The following ZEB1 variants were observed in gnomAD, a reference collection of about 807,000 sequenced individuals.
ZEB1 encodes zinc finger E-box binding homeobox 1.
In ZEB1, 21 loss-of-function variants were observed where a neutral mutation model predicts 84.9. The observed-to-expected ratio is 0.25, with a 90% CI of 0.18 to 0.36. The LOEUF (loss-of-function observed/expected upper bound fraction) is 0.36. Ranked by LOEUF, ZEB1 falls within the 10% of genes least tolerant of loss-of-function variation. The pLI, the probability that ZEB1 is intolerant of heterozygous loss-of-function variation, is 1.00. For synonymous variants in ZEB1, 420 were observed against 471.1 expected (o/e 0.89, Z 1.41); for missense variants, 1,104 against 1,330.2 (o/e 0.83, Z 2.65).
chr10:31,444,522 T>C (rs942399392), intron 1 of ZEB1, among the ~76,000 whole-genome samples: 22 of 151,250 alleles, frequency 1.5e-4, no homozygotes, highest in Non-Finnish European at 2.7e-4. Flanking sequence ...GCCTAGGTTT[T>C]CTTCTAGGGT....
chr10:31,432,446 A>G (rs534711435), intron 1 of ZEB1, among the ~76,000 whole-genome samples: 257 of 152,212 alleles, frequency 1.7e-3, no homozygotes, highest in Middle Eastern at 0.014. Flanking sequence ...AAAATTAGCC[A>G]GGTGTGGTAC....
Position 31,526,958 on chromosome 10 carries a change from C to G in ZEB1, c.3072C>G (p.Asp1024Glu). 6.2e-7 allele frequency: 1 copy of G among 1,612,746 alleles called. No individual in the cohort carries two copies. The highest frequency in any genetic ancestry group is 8.5e-7 in the Non-Finnish European group (1 of 1,179,754). The change falls in exon 9 of 9, where the codon GAC becomes GAG. Residue 1024 changes from aspartate (D) to glutamate (E), a missense_variant. Transcript: ENST00000424869. ...CGTCTCCCTCACAGGGCGACTCGGA[C>G]GAGAGAGAGAGTTTGACAAGGGAAG... ...ARASPSQGDS[D>E]ERESLTREED...
chr10:31,385,673 G>A (rs1020418959), intron 1 of ZEB1, among the ~76,000 whole-genome samples: 1 of 151,728 alleles, frequency 6.6e-6, no homozygotes, highest in African/African-American at 2.4e-5. Context: ...GATTACAGGC[G>A]CTTGCCACCA....
intron 1 of ZEB1, among the ~76,000 whole-genome samples, chr10:31,412,095 G>A (rs1564769447): frequency 6.6e-6 from 1 of 152,056 alleles, no homozygotes; most frequent in Non-Finnish European, 1.5e-5. Flanking sequence ...TTATTTCTTT[G>A]CAGATTTAGT....
intron 1 of ZEB1, among the ~76,000 whole-genome samples, chr10:31,455,921 G>T (rs2061157501): frequency 6.6e-6 from 1 of 152,088 alleles, no homozygotes; most frequent in Non-Finnish European, 1.5e-5. Context: ...ATACCCAAAG[G>T]ATTATAAATC....
intron 1 of ZEB1, among the ~76,000 whole-genome samples, chr10:31,322,623 G>A (rs772166536): frequency 1.3e-5 from 2 of 152,138 alleles, no homozygotes; most frequent in Non-Finnish European, 2.9e-5. Flanking sequence ...TTAGTCATCC[G>A]TAAAGGAGTG....
intron 8 of ZEB1, among the ~76,000 whole-genome samples, chr10:31,526,441 G>C (rs1450609840): frequency 1.3e-5 from 2 of 152,090 alleles, no homozygotes; most frequent in Non-Finnish European, 2.9e-5. Context: ...ATGTCATGTA[G>C]CTCCCATTGA....
chr10:31,338,221 C>T lies in ZEB1; in HGVS notation c.58+18929C>T, dbSNP rs991195483. ...GTTACTATTGCACTTGTGGATATAA[C>T]ATTTCATTTTAGAATATTTACATTT... On this transcript the variant is annotated intron_variant, in intron 1 of 8. Transcript: ENST00000424869. Among the ~76,000 whole-genome samples the T allele has an allele frequency of 9.2e-5, 14 of 152,194 alleles. 1 individual carries two copies. In the South Asian group the frequency reaches 2.7e-3, roughly 29 times the overall value.
At chr10:31,475,981 A>G (rs930660457) in intron 2 of ZEB1, among the ~76,000 whole-genome samples, 2 of 152,110 alleles carry the variant, frequency 1.3e-5, no homozygotes, top group East Asian at 1.9e-4. Context: ...CATTTAAAAA[A>G]TAAACACTAG....
intron 1 of ZEB1, among the ~76,000 whole-genome samples, chr10:31,416,770 G>C (rs967211625): frequency 2.3e-4 from 35 of 151,944 alleles, no homozygotes; most frequent in Non-Finnish European, 8.8e-5. Context: ...CAAAAACATG[G>C]GCACATATTT....
chr10:31,475,973 T>C (rs2064106000), intron 2 of ZEB1, among the ~76,000 whole-genome samples: 1 of 151,988 alleles, frequency 6.6e-6, no homozygotes, highest in Admixed American at 6.6e-5. Context: ...AAATATTCCA[T>C]TTAAAAAATA....
At chr10:31,477,026 C>T (rs2064310103) in intron 2 of ZEB1, among the ~76,000 whole-genome samples, 1 of 152,036 alleles carries the variant, frequency 6.6e-6, no homozygotes, top group African/African-American at 2.4e-5. Flanking sequence ...ACTCACACCA[C>T]TTCTATTCAA....
chr10:31,453,575 T>C (rs1241909456), intron 1 of ZEB1, among the ~76,000 whole-genome samples: 1 of 152,174 alleles, frequency 6.6e-6, no homozygotes, highest in Non-Finnish European at 1.5e-5. Flanking sequence ...GATACAGTGC[T>C]GCATGCAATC....
chr10:31,495,819 AGATGAAGCAG>A lies in ZEB1; in HGVS notation c.308_317del (p.Glu103ValfsTer3), dbSNP rs1467953607. On this transcript the variant is annotated frameshift_variant, in exon 3 of 9. Transcript: ENST00000424869. LOFTEE classifies it high-confidence loss of function. ...AAATCCTGGGGCCTGAAGCTCAGGCAGATGAAGCAGGATGTACAGGTACTCTGCTGCGACT... is the reference window on the plus strand; with the variant it reads ...AAATCCTGGGGCCTGAAGCTCAGGCAGATGTACAGGTACTCTGCTGCGACT... 1 of 1,612,972 alleles carries A rather than the reference AGATGAAGCAG, an allele frequency of 6.2e-7. No homozygotes were observed. The highest frequency in any genetic ancestry group is 8.5e-7 in the Non-Finnish European group (1 of 1,179,214).
At chr10:31,505,862 A>T (rs199632326) in intron 4 of ZEB1, among the ~76,000 whole-genome samples, 1 of 151,466 alleles carries the variant, frequency 6.6e-6, no homozygotes, top group Non-Finnish European at 1.5e-5. Flanking sequence ...AAATGTTTCT[A>T]TTTTTTGTTT....
rs2059342594 is a variant in ZEB1, at chr10:31,443,655, A to G, written c.59-17382A>G. 2.7e-5 allele frequency among the ~76,000 whole-genome samples: 4 copies of G among 146,702 alleles called. No individual in the cohort carries two copies. The Admixed American group carries it at 2.8e-4, about 10-fold the overall frequency. On this transcript the variant is annotated intron_variant, in intron 1 of 8. Coordinates refer to ENST00000424869, the MANE Select transcript of ZEB1 (RefSeq NM_001174096.2). Reference sequence around the variant, plus strand: ...TCAATTCCCACCTATGAGTGAGAATATGCGGTGTTTGGTTTTTTGTTCTTG... The same window carrying G: ...TCAATTCCCACCTATGAGTGAGAATGTGCGGTGTTTGGTTTTTTGTTCTTG...
chr10:31,466,730 GT>G (rs1235764507), intron 2 of ZEB1, among the ~76,000 whole-genome samples: 1 of 151,936 alleles, frequency 6.6e-6, no homozygotes, highest in African/African-American at 2.4e-5. Flanking sequence ...TAAAACCAAA[GT>G]TAGAAGAAGG....
intron 1 of ZEB1, among the ~76,000 whole-genome samples, chr10:31,375,274 T>TC (rs2046431841): frequency 6.6e-6 from 1 of 151,720 alleles, no homozygotes; most frequent in African/African-American, 2.4e-5. Context: ...ATCCAGGCAG[T>TC]CCCCCTTGTC....
chr10:31,453,313 T>C (rs1211253950), intron 1 of ZEB1, among the ~76,000 whole-genome samples: 1 of 152,170 alleles, frequency 6.6e-6, no homozygotes, highest in Admixed American at 6.6e-5. Context: ...AGTTAATCTT[T>C]TCCATCTTTC....
Sources: allele counts gnomAD v4.1 joint callset (sites outside exome capture counted in the v4.1 genomes callset), GRCh38; gene constraint gnomAD v4.1.1; transcripts MANE v1.5; gene names NCBI Gene and HGNC (gene_info 2026-07-23, HGNC 2026-07-21).